Variants in LHFPL3 observed in about 807,000 individuals in gnomAD.
The protein encoded by LHFPL3 is LHFPL tetraspan subfamily member 3 protein.
In LHFPL3, 5 loss-of-function variants were observed where a neutral mutation model predicts 19.3. That is an observed-to-expected ratio of 0.26 (90% CI 0.14 to 0.54). The LOEUF is 0.54. Among genes scored for constraint, LHFPL3 ranks in the 20% least tolerant of loss-of-function variants. The pLI is 0.94. For missense variants in LHFPL3, 249 were observed against 307.4 expected (o/e 0.81, Z 1.42); for synonymous variants, 133 against 126.2 (o/e 1.05, Z -0.36).
intron 1 of LHFPL3, among the ~76,000 whole-genome samples, chr7:104,491,585 G>A (rs1793353525): frequency 1.3e-5 from 2 of 152,094 alleles, no homozygotes; most frequent in African/African-American, 2.4e-5. Flanking sequence ...TACCTGCAGG[G>A]GAGTTAATCA....
At chr7:104,604,219 T>C (rs962760206) in intron 1 of LHFPL3, among the ~76,000 whole-genome samples, 3 of 152,210 alleles carry the variant, frequency 2.0e-5, no homozygotes, top group African/African-American at 7.2e-5. Context: ...TTGCACCCTC[T>C]GTAGCTGCAC....
intron 1 of LHFPL3, among the ~76,000 whole-genome samples, chr7:104,447,990 A>G (rs939699939): frequency 6.6e-6 from 1 of 151,746 alleles, no homozygotes; most frequent in African/African-American, 2.4e-5. Flanking sequence ...TACTTTTTCT[A>G]CTCCTATGTA....
At chr7:104,548,132 C>T (rs370302854) in intron 1 of LHFPL3, among the ~76,000 whole-genome samples, 1 of 152,046 alleles carries the variant, frequency 6.6e-6, no homozygotes, top group African/African-American at 2.4e-5. Context: ...TATGTTTAAA[C>T]AAAATATGAA....
intron 1 of LHFPL3, among the ~76,000 whole-genome samples, chr7:104,441,189 T>G (rs983615607): frequency 2.0e-5 from 3 of 152,180 alleles, no homozygotes; most frequent in African/African-American, 7.2e-5. Flanking sequence ...GAACAACTCC[T>G]CTCATTTTTC....
chr7:104,352,689 A>G (rs1473487186), intron 1 of LHFPL3, among the ~76,000 whole-genome samples: 1 of 152,246 alleles, frequency 6.6e-6, no homozygotes, highest in East Asian at 1.9e-4. Flanking sequence ...TGTAGTCTGA[A>G]GGAAAGATCT....
chr7:104,748,771 C>G (rs1031129090), intron 2 of LHFPL3, among the ~76,000 whole-genome samples: 3 of 152,108 alleles, frequency 2.0e-5, no homozygotes, highest in Non-Finnish European at 4.4e-5. Flanking sequence ...AACGCTGGTT[C>G]CCCGGGTCCC....
chr7:104,745,935 G>T (rs528553083), intron 2 of LHFPL3, among the ~76,000 whole-genome samples: 39 of 152,270 alleles, frequency 2.6e-4, no homozygotes, highest in South Asian at 8.3e-4. Flanking sequence ...CATCTATATT[G>T]GGGATCAAGG....
chr7:104,473,922 C>T (rs1792957185), intron 1 of LHFPL3, among the ~76,000 whole-genome samples: 1 of 152,084 alleles, frequency 6.6e-6, no homozygotes, highest in African/African-American at 2.4e-5. Flanking sequence ...TTATAAAGCT[C>T]TATGACACAC....
chr7:104,855,989 T>C (rs924962537), intron 2 of LHFPL3, among the ~76,000 whole-genome samples: 10 of 152,114 alleles, frequency 6.6e-5, no homozygotes, highest in African/African-American at 2.4e-4. Flanking sequence ...CCCAACCCCA[T>C]CTATGACTGA....
intron 2 of LHFPL3, among the ~76,000 whole-genome samples, chr7:104,865,166 G>C (rs373929615): frequency 1.3e-5 from 2 of 152,170 alleles, no homozygotes; most frequent in Admixed American, 1.3e-4. Flanking sequence ...AAATCAGAGC[G>C]CCTCTCCTCC....
chr7:104,410,702 G>T (rs554049714), intron 1 of LHFPL3, among the ~76,000 whole-genome samples: 2 of 152,202 alleles, frequency 1.3e-5, no homozygotes, highest in Admixed American at 1.3e-4. Flanking sequence ...CTTTGCAGCA[G>T]TGAGGAAAAT....
At chr7:104,432,146 T>C (rs531948832) in intron 1 of LHFPL3, among the ~76,000 whole-genome samples, 48 of 152,322 alleles carry the variant, frequency 3.2e-4, no homozygotes, top group South Asian at 2.9e-3. Flanking sequence ...TGGCTGCTCA[T>C]AGCACCAGGC....
intron 1 of LHFPL3, among the ~76,000 whole-genome samples, chr7:104,602,102 C>A (rs184313074): frequency 1.3e-4 from 17 of 135,660 alleles, no homozygotes; most frequent in Non-Finnish European, 1.9e-4. Context: ...TTCACTGCAA[C>A]CTCCACCTCC....
chr7:104,788,503 G>A (rs1789965324), intron 2 of LHFPL3, among the ~76,000 whole-genome samples: 2 of 152,164 alleles, frequency 1.3e-5, no homozygotes, highest in African/African-American at 4.8e-5. Flanking sequence ...CACACTGTTG[G>A]AAAAGTATGT....
In LHFPL3 at chr7:104,361,546, C is replaced by T. The variant is rs554610581; in HGVS notation, c.445+32322C>T. ...ATAGGTAAATAGCAGCCTTTGGCCC[C>T]GCACTACTTTGTGAGCCACCCTTGG... On this transcript the variant is annotated intron_variant, in intron 1 of 2. Coordinates refer to ENST00000424859, the MANE Select transcript of LHFPL3 (RefSeq NM_199000.3). Among the ~76,000 whole-genome samples the T allele has an allele frequency of 3.3e-5, 5 of 152,186 alleles. No individual in the cohort carries two copies. The South Asian group carries it at 6.2e-4, about 19-fold the overall frequency.
intron 1 of LHFPL3, among the ~76,000 whole-genome samples, chr7:104,684,088 G>A (rs1792762986): frequency 6.6e-6 from 1 of 152,144 alleles, no homozygotes; most frequent in South Asian, 2.1e-4. Context: ...ATAACTCTGG[G>A]TTTAAGTTTT....
chr7:104,595,561 A>C (rs987348065), intron 1 of LHFPL3, among the ~76,000 whole-genome samples: 2 of 152,218 alleles, frequency 1.3e-5, no homozygotes, highest in African/African-American at 4.8e-5. Flanking sequence ...TCAGAGCTCA[A>C]ACACAGTGCT....
chr7:104,856,407 A>G (rs926768253), intron 2 of LHFPL3, among the ~76,000 whole-genome samples: 4 of 151,490 alleles, frequency 2.6e-5, no homozygotes, highest in Admixed American at 6.6e-5. Context: ...CCGCCACCAC[A>G]CCCAGCTAAT....
At chr7:104,531,174 G>A (rs1211930734) in intron 1 of LHFPL3, among the ~76,000 whole-genome samples, 1 of 152,054 alleles carries the variant, frequency 6.6e-6, no homozygotes, top group Admixed American at 6.6e-5. Context: ...CTTTTCATTT[G>A]ATTTTATTTC....
Sources: gnomAD v4.1 joint callset for allele counts (sites outside exome capture counted in the v4.1 genomes callset) on GRCh38, gnomAD v4.1.1 for gene constraint, MANE v1.5 for transcripts, NCBI Gene and HGNC (gene_info 2026-07-23, HGNC 2026-07-21) for gene names.